PPIP5K2: variants seen among roughly 807,000 people sequenced by gnomAD.
PPIP5K2 encodes the protein diphosphoinositol pentakisphosphate kinase 2, also known as inositol hexakisphosphate and diphosphoinositol-pentakisphosphate kinase 2.
In PPIP5K2, 105 loss-of-function variants were observed where a neutral mutation model predicts 154.6. The ratio of observed to expected loss-of-function variants is 0.68; its 90% confidence interval spans 0.58 to 0.80. The LOEUF is 0.80. Among genes scored for constraint, PPIP5K2 ranks in the 30% least tolerant of loss-of-function variants. The pLI is 0.00. For missense variants in PPIP5K2, 992 were observed against 1,504.6 expected, an observed-to-expected ratio of 0.66 and a Z score of 5.64; for synonymous variants, 480 against 490.3, an observed-to-expected ratio of 0.98 and a Z score of 0.28.
intron 19 of PPIP5K2, among the ~76,000 whole-genome samples, chr5:103,172,116 A>G (rs981683103): frequency 6.6e-6 from 1 of 151,716 alleles, no homozygotes; most frequent in Non-Finnish European, 1.5e-5. Context: ...TCTTGCTAAT[A>G]ACAAATTTAA....
chr5:103,176,724 G>A (rs1554221043), intron 21 of PPIP5K2: 2 of 516,372 alleles, frequency 3.9e-6, no homozygotes, highest in Middle Eastern at 4.7e-4. Flanking sequence ...TATAATTTAA[G>A]TAGATCCTGT....
intron 29 of PPIP5K2, among the ~76,000 whole-genome samples, chr5:103,192,489 T>C (rs1335489481): frequency 6.6e-6 from 1 of 152,018 alleles, no homozygotes; most frequent in African/African-American, 2.4e-5. Context: ...AAAATAGAGA[T>C]TAAAGAATTA....
chr5:103,209,792 G>C lies in PPIP5K2; in HGVS notation c.*8158G>C, dbSNP rs1447038730. On this transcript the variant is annotated 3_prime_UTR_variant, in exon 31 of 31. Coordinates refer to ENST00000358359, the MANE Select transcript of PPIP5K2 (RefSeq NM_001276277.3). ...ATGAAGGAAAAATTAGGAGAAAAGA[G>C]AAAGCAGAGGAGGGGTGAGACAGAG... 6.6e-6 allele frequency: 1 copy of C among 152,090 alleles called. No individual in the cohort carries two copies. Among genetic ancestry groups the C allele is most frequent in the Non-Finnish European group, 1.5e-5 (1 of 67,996 alleles). The allele number at this position is 152,090 out of a possible 1,614,324, so 9.4% of individuals were successfully genotyped here.
chr5:103,195,293 CTTTCTTTTGAGT>C (rs1554228184), intron 30 of PPIP5K2, among the ~76,000 whole-genome samples: 2 of 152,014 alleles, frequency 1.3e-5, no homozygotes, highest in East Asian at 3.9e-4. Flanking sequence ...CTTCTTTTGC[CTTTCTTTTGAGT>C]TTAAGGCATC....
chr5:103,160,062 T>C (rs1034978924), intron 17 of PPIP5K2, among the ~76,000 whole-genome samples: 1 of 152,180 alleles, frequency 6.6e-6, no homozygotes, highest in South Asian at 2.1e-4. Context: ...ACATAGTGTC[T>C]TCTAGGTTCA....
rs114616733 is a variant in PPIP5K2, at chr5:103,166,233, C to T, written c.1921-946C>T. On this transcript the variant is annotated intron_variant, in intron 17 of 30. Transcript: ENST00000358359. Reference sequence around the variant, plus strand: ...TTTCTGGAGTGCTAAAAAGCAATAACATCTGCTTATTATGAGATTGTTTTG... The same window carrying T: ...TTTCTGGAGTGCTAAAAAGCAATAATATCTGCTTATTATGAGATTGTTTTG... 3.9e-3 allele frequency among the ~76,000 whole-genome samples: 590 copies of T among 152,146 alleles called. 2 individuals are homozygous for T. The highest frequency in any genetic ancestry group is 0.013 in the African/African-American group (555 of 41,538).
Position 103,158,168 on chromosome 5 carries a change from T to A in PPIP5K2, c.1490-20T>A. The A allele has an allele frequency of 6.2e-7, 1 of 1,605,790 alleles. No individual in the cohort carries two copies. The highest frequency in any genetic ancestry group is 1.1e-5 in the South Asian group (1 of 90,530). ...AGAAATAAACTTAACATTTGTTTTATTCATTCATATGTGTCATAGACAGCC... is the reference window on the plus strand; with the variant it reads ...AGAAATAAACTTAACATTTGTTTTAATCATTCATATGTGTCATAGACAGCC... On this transcript the variant is annotated intron_variant, in intron 14 of 30. Transcript: ENST00000358359.
chr5:103,186,450 A>G lies in PPIP5K2; in HGVS notation c.3289+11A>G. ...CTGGCTGCATAGATGGTATGTGCAC[A>G]CATGCACACACAGATTCATACCTAC... is the stretch of plus-strand genomic sequence containing the variant. On this transcript the variant is annotated intron_variant, in intron 27 of 30. Coordinates refer to ENST00000358359, the MANE Select transcript of PPIP5K2 (RefSeq NM_001276277.3). 6.2e-7 allele frequency: 1 copy of G among 1,613,656 alleles called. No homozygotes were observed. Among genetic ancestry groups the G allele is most frequent in the Non-Finnish European group, 8.5e-7 (1 of 1,179,708 alleles).
rs1476919157 is a variant in PPIP5K2, at chr5:103,208,101, T to TC, written c.*6467_*6468insC. 2.0e-5 allele frequency: 3 copies of TC among 151,806 alleles called. No homozygotes were observed. The highest frequency in any genetic ancestry group is 4.4e-5 in the Non-Finnish European group (3 of 67,954). The allele number at this position is 151,806 out of a possible 1,614,324, so 9.4% of individuals were successfully genotyped here. On this transcript the variant is annotated 3_prime_UTR_variant, in exon 31 of 31. Coordinates refer to ENST00000358359, the MANE Select transcript of PPIP5K2 (RefSeq NM_001276277.3). The stretch of plus-strand genomic sequence containing the variant: ...TGGCTTTTCTTTTTCTTTTTCTTTT[T>TC]TTTTTTGAGATGGAGTTTTACTCTT...
intron 14 of PPIP5K2, among the ~76,000 whole-genome samples, chr5:103,157,879 T>G (rs1210318833): frequency 1.3e-5 from 2 of 152,132 alleles, no homozygotes; most frequent in African/African-American, 4.8e-5. Context: ...ATGAAAAAAT[T>G]ACTATGAGAG....
At chr5:103,165,674 AC>A (rs1465240570) in intron 17 of PPIP5K2, among the ~76,000 whole-genome samples, 1 of 152,150 alleles carries the variant, frequency 6.6e-6, no homozygotes, top group Non-Finnish European at 1.5e-5. Flanking sequence ...GTTTATAGGA[AC>A]AGTTTCCCGA....
At chr5:103,127,238 A>G (rs1554201047) in intron 1 of PPIP5K2, among the ~76,000 whole-genome samples, 1 of 152,248 alleles carries the variant, frequency 6.6e-6, no homozygotes, top group East Asian at 1.9e-4. Flanking sequence ...GTATGTATAC[A>G]TATAAGTACA....
Position 103,124,990 on chromosome 5 carries a change from C to T in PPIP5K2, c.-284-4316C>T, listed in dbSNP as rs782256067. On this transcript the variant is annotated intron_variant, in intron 1 of 30. Transcript: ENST00000358359. Reference sequence around the variant, plus strand: ...TGACCAAAGGTCAAAACGAATGATTCGGAGAAGGTCTTGTAAATTGTTAAG... The same window carrying T: ...TGACCAAAGGTCAAAACGAATGATTTGGAGAAGGTCTTGTAAATTGTTAAG... Among the ~76,000 whole-genome samples the T allele has an allele frequency of 3.9e-5, 6 of 152,152 alleles. No homozygotes were observed. The South Asian group carries it at 6.2e-4, about 16-fold the overall frequency.
At chr5:103,150,950 G>A (rs534760510) in intron 8 of PPIP5K2, among the ~76,000 whole-genome samples, 10 of 131,200 alleles carry the variant, frequency 7.6e-5, no homozygotes, top group Middle Eastern at 0.01. Flanking sequence ...TAAATTAAAT[G>A]TTAATTGAAG....
intron 3 of PPIP5K2, chr5:103,136,107 G>T (rs1446615097): frequency 2.0e-5 from 3 of 151,836 alleles, no homozygotes; most frequent in Non-Finnish European, 4.4e-5. Flanking sequence ...AAGTATCTGG[G>T]ATTACAGGTG....
At chr5:103,120,755 T>C in intron 1 of PPIP5K2, 1 of 328,584 alleles carries the variant, frequency 3.0e-6, no homozygotes, top group Non-Finnish European at 6.2e-6. Context: ...AAATTGAAGA[T>C]CAGCTAAAAG....
chr5:103,153,754 C>A, intron 10 of PPIP5K2, 94 bp from the exon 11 acceptor site: 1 of 794,590 alleles, frequency 1.3e-6, no homozygotes, highest in Non-Finnish European at 2.0e-6. Context: ...TAAAAGATGG[C>A]TTTAAATAGA....
At chr5:103,162,687 G>A (rs2149639029) in intron 17 of PPIP5K2, among the ~76,000 whole-genome samples, 1 of 152,178 alleles carries the variant, frequency 6.6e-6, no homozygotes, top group Middle Eastern at 3.4e-3. Flanking sequence ...ATAAGCAAAA[G>A]TTATAGTTTT....
In PPIP5K2 at chr5:103,137,678, A is replaced by T. The variant is rs114592287; in HGVS notation, c.402-706A>T. On this transcript the variant is annotated intron_variant, in intron 4 of 30. Coordinates refer to ENST00000358359, the MANE Select transcript of PPIP5K2 (RefSeq NM_001276277.3). ...TCTTGTTTTACCATTACAATATGAGATTTTATGTGTATGAAAAATGCTTTG... is the reference window on the plus strand; with the variant it reads ...TCTTGTTTTACCATTACAATATGAGTTTTTATGTGTATGAAAAATGCTTTG... Among the ~76,000 whole-genome samples the T allele has an allele frequency of 6.7e-3, 1,024 of 152,180 alleles. 7 individuals carry two copies. The highest frequency in any genetic ancestry group is 0.013 in the Non-Finnish European group (851 of 67,996).
Sources: gnomAD v4.1 joint callset for allele counts (sites outside exome capture counted in the v4.1 genomes callset) on GRCh38, gnomAD v4.1.1 for gene constraint, MANE v1.5 for transcripts, NCBI Gene and HGNC (gene_info 2026-07-23, HGNC 2026-07-21) for gene names.